The following MOB3C variants were observed in gnomAD, a reference collection of about 807,000 sequenced individuals.
MOB3C encodes MOB1, Mps One Binder kinase activator-like 2C.
Under a neutral mutation model 19.8 loss-of-function variants are expected in MOB3C, and 17 were observed. The ratio of observed to expected loss-of-function variants is 0.86; its 90% CI spans 0.59 to 1.29. The LOEUF (loss-of-function observed/expected upper bound fraction) is 1.29. MOB3C is among the 50% of genes most tolerant of loss of function. The probability of loss-of-function intolerance (pLI) is 0.00; values close to 1 mark genes in which losing one functional copy is unlikely to be tolerated. For synonymous variants in MOB3C, 101 were observed against 119.2 expected (o/e 0.85, Z 0.99); for missense variants, 291 against 301.9 (o/e 0.96, Z 0.27).
rs1269056585 is a variant in MOB3C, at chr1:46,613,280, C to G, written c.42G>C (p.Thr14=). 3 of 1,611,174 alleles carry G rather than the reference C, an allele frequency of 1.9e-6. No individual in the cohort carries two copies. Among genetic ancestry groups the G allele is most frequent in the Non-Finnish European group, 2.5e-6 (3 of 1,180,028 alleles). The change falls in exon 2 of 4, where the codon ACG becomes ACC. Residue 14 remains threonine (T), a synonymous_variant. Transcript: ENST00000319928. ...GCTCAAAGCGCTTCCGCGGCCGGAA[C>G]GTCTTGTCCTTGGCGAACACCTGCT... ...CLKQVFAKDK[T]FRPRKRFEPG...
At chr1:46,612,167 C>T (rs1411967094) in intron 2 of MOB3C, among the ~76,000 whole-genome samples, 1 of 152,176 alleles carries the variant, frequency 6.6e-6, no homozygotes, top group Non-Finnish European at 1.5e-5. Flanking sequence ...AGAAAAGGCC[C>T]CACAGCCTGT....
At chr1:46,609,905 C>A in intron 3 of MOB3C, 97 bp downstream of exon 3, 1 of 1,399,330 alleles carries the variant, frequency 7.1e-7, no homozygotes, top group Non-Finnish European at 1.0e-6. Flanking sequence ...CCTAATTCAT[C>A]TACTTGGGCG....
intron 2 of MOB3C, among the ~76,000 whole-genome samples, chr1:46,610,916 C>A (rs11211324): frequency 0.52 from 78,872 of 152,010 alleles, 21,155 homozygotes; most frequent in East Asian, 0.94. Context: ...GAGAGTTCAA[C>A]AACTGGGTCC....
intron 1 of MOB3C, 164 bp from the exon 2 acceptor site, chr1:46,613,535 C>A: frequency 1.5e-6 from 1 of 655,680 alleles, no homozygotes; most frequent in South Asian, 2.0e-5. Context: ...GCCCCGCCCT[C>A]TTTCCAGGCT....
intron 3 of MOB3C, 106 bp downstream of exon 3, chr1:46,609,896 C>G: frequency 7.4e-7 from 1 of 1,351,474 alleles, no homozygotes; most frequent in South Asian, 1.2e-5. Context: ...TTGCCTTCCC[C>G]TAATTCATCT....
chr1:46,611,205 C>A lies in MOB3C; in HGVS notation c.419-1001G>T, dbSNP rs1363057826. On this transcript the variant is annotated intron_variant, in intron 2 of 3. Coordinates refer to ENST00000319928, the MANE Select transcript of MOB3C (RefSeq NM_201403.3). The surrounding 1 kb of genome is among the most constrained non-coding windows in gnomAD (Gnocchi z 4.1). ...GTGCTGGGCCCTTCACACCTTTTGC[C>A]TCTAATCCTTAGAACAATTCGCCTG... Among the ~76,000 whole-genome samples, 2 of 152,222 alleles carry A rather than the reference C, an allele frequency of 1.3e-5. No homozygotes were observed. Among genetic ancestry groups the A allele is most frequent in the African/African-American group, 2.4e-5 (1 of 41,452 alleles).
At chr1:46,609,771 C>T (rs1675430485) in intron 3 of MOB3C, 87 bp from the exon 4 acceptor site, 2 of 1,544,542 alleles carry the variant, frequency 1.3e-6, no homozygotes. Flanking sequence ...AGCTGCTCTT[C>T]TGTCTGAGCC....
At chr1:46,614,741 G>T (rs762026204) in intron 1 of MOB3C, 147 of 499,360 alleles carry the variant, frequency 2.9e-4, no homozygotes, top group Non-Finnish European at 5.0e-4. Context: ...GGGGAAGGGA[G>T]GGTGGGAACC....
At chr1:46,615,335 C>T (rs1055146176) in intron 1 of MOB3C, 6 of 458,298 alleles carry the variant, frequency 1.3e-5, no homozygotes, top group African/African-American at 3.9e-5. Flanking sequence ...TCTTATCCCT[C>T]CACCTGCCTG....
intron 2 of MOB3C, 129 bp downstream of exon 2, chr1:46,612,775 C>T (rs1675490234): frequency 5.4e-6 from 5 of 934,396 alleles, no homozygotes; most frequent in Non-Finnish European, 7.6e-6. Flanking sequence ...CCTGTTTCAA[C>T]CTCGCTTTCC....
rs1460528618 is a variant in MOB3C at position 46,613,083 on chromosome 1, T to C, written c.239A>G (p.Glu80Gly). ...RINLIYGTMA[E>G]RCSETSCPVM... ...CGGGCAGCTGGTCTCACTGCAGCGC[T>C]CCGCCATAGTGCCGTAGATGAGGTT... The change falls in exon 2 of 4, where the codon GAG becomes GGG. Residue 80 changes from glutamate to glycine, a missense_variant. By Grantham distance (98) the Glu-to-Gly change is moderately conservative. Transcript: ENST00000319928. 1.2e-6 allele frequency: 2 copies of C among 1,614,198 alleles called. No individual in the cohort carries two copies. The highest frequency in any genetic ancestry group is 3.3e-5 in the Admixed American group (2 of 60,036).
intron 1 of MOB3C, 79 bp from the exon 2 acceptor site, chr1:46,613,450 C>T: frequency 7.5e-7 from 1 of 1,325,808 alleles, no homozygotes; most frequent in Non-Finnish European, 1.0e-6. Context: ...TCATCATTTC[C>T]CTGTCACCTC....
chr1:46,609,439 C>T lies in MOB3C; in HGVS notation c.*216G>A, dbSNP rs1293638223. The stretch of plus-strand genomic sequence containing the variant: ...CATGCCAGAGGTTTAACTCCACTTC[C>T]CTTCTGTTTGCCTGCCTAGATGCTC... On this transcript the variant is annotated 3_prime_UTR_variant, in exon 4 of 4. Transcript: ENST00000319928. 1 of 633,414 alleles carries T rather than the reference C, an allele frequency of 1.6e-6. No homozygotes were observed. The highest frequency in any genetic ancestry group is 2.8e-5 in the East Asian group (1 of 36,270). The allele number at this position is 633,414 out of a possible 1,614,324, so 39.2% of individuals were successfully genotyped here.
intron 2 of MOB3C, among the ~76,000 whole-genome samples, chr1:46,610,656 ACAGG>A (rs1209722701): frequency 6.6e-6 from 1 of 152,180 alleles, no homozygotes; most frequent in East Asian, 1.9e-4. Context: ...TGCTGGGATT[ACAGG>A]CATGAGCCAC....
Position 46,607,975 on chromosome 1 carries a change from C to G in MOB3C, c.*1680G>C, listed in dbSNP as rs1384039119. ...GCCCAGCTGGCTGGGCCCAAGAGCT[C>G]CATCTGTTTCCCCAAAGTACAGGCA... On this transcript the variant is annotated 3_prime_UTR_variant, in exon 4 of 4. Transcript: ENST00000319928. 6.6e-6 allele frequency: 1 copy of G among 152,186 alleles called. No individual in the cohort carries two copies. The highest frequency in any genetic ancestry group is 6.5e-5 in the Admixed American group (1 of 15,284). The allele number at this position is 152,186 out of a possible 1,614,324, so 9.4% of individuals were successfully genotyped here.
chr1:46,610,739 A>C (rs1381250065), intron 2 of MOB3C, among the ~76,000 whole-genome samples: 2 of 152,200 alleles, frequency 1.3e-5, no homozygotes, highest in Non-Finnish European at 2.9e-5. Context: ...GCTGGAATAT[A>C]CATCATCTTC....
At chr1:46,610,487 T>A (rs753456949) in intron 2 of MOB3C, among the ~76,000 whole-genome samples, 1 of 152,060 alleles carries the variant, frequency 6.6e-6, no homozygotes, top group Non-Finnish European at 1.5e-5. Flanking sequence ...AGGTTCAAGG[T>A]ATTCTCCTGC....
chr1:46,612,910 G>C lies in MOB3C; in HGVS notation c.412C>G (p.Arg138Gly). ...CCCGCCAGGTGACACTCACCAACACGCGTGGGAAAGACCTCTTCGTCGTTG... is the reference window on the plus strand; with the variant it reads ...CCCGCCAGGTGACACTCACCAACACCCGTGGGAAAGACCTCTTCGTCGTTG... ...LINDEEVFPTRVGVPFPKNFQ... is the reference protein window; with the variant it reads ...LINDEEVFPTGVGVPFPKNFQ... The change falls in exon 2 of 4, where the codon CGT (arginine) becomes GGT (glycine). Residue 138 changes from arginine to glycine, a missense_variant. Arg to Gly is a moderately radical substitution (Grantham distance 125, BLOSUM62 -2). Coordinates refer to ENST00000319928, the MANE Select transcript of MOB3C (RefSeq NM_201403.3). 1.3e-6 allele frequency: 2 copies of C among 1,549,206 alleles called. No individual in the cohort carries two copies. The highest frequency in any genetic ancestry group is 1.7e-6 in the Non-Finnish European group (2 of 1,145,308).
At chr1:46,615,560 G>T (rs966967286) in intron 1 of MOB3C, 1 of 154,688 alleles carries the variant, frequency 6.5e-6, no homozygotes, top group Non-Finnish European at 1.4e-5. Context: ...AGCCCTGATA[G>T]ATCAGCTGGC....
Sources: allele counts gnomAD v4.1 joint callset (sites outside exome capture counted in the v4.1 genomes callset), GRCh38; gene constraint gnomAD v4.1.1; non-coding constraint Gnocchi (gnomAD v3.1); transcripts MANE v1.5; gene names NCBI Gene and HGNC (gene_info 2026-07-23, HGNC 2026-07-21).